NCS1: variants seen among roughly 807,000 people sequenced by gnomAD.
NCS1 encodes frequenin homolog.
A neutral mutation model predicts 28.4 loss-of-function variants in NCS1; 6 were observed. The observed-to-expected ratio is 0.21, with a 90% CI of 0.12 to 0.42. The LOEUF is 0.42. NCS1 is among the 10% of genes least tolerant of loss of function. The pLI is 1.00. For synonymous variants in NCS1, 86 were observed against 99.3 expected, an observed-to-expected ratio of 0.87 and a Z score of 0.79; for missense variants, 131 against 241.4, an observed-to-expected ratio of 0.54 and a Z score of 3.03.
At chr9:130,220,574 G>T (rs1833265200) in intron 4 of NCS1, among the ~76,000 whole-genome samples, 1 of 152,024 alleles carries the variant, frequency 6.6e-6, no homozygotes, top group African/African-American at 2.4e-5. Flanking sequence ...GGGAGGCTGA[G>T]AGGGAGTTGG....
intron 2 of NCS1, among the ~76,000 whole-genome samples, chr9:130,216,679 G>A (rs1412098305): frequency 6.7e-6 from 1 of 149,700 alleles, no homozygotes; most frequent in Non-Finnish European, 1.5e-5. Context: ...TCCTGCCACT[G>A]CACTCCAGCC....
At chr9:130,197,989 C>G (rs868978163) in intron 1 of NCS1, among the ~76,000 whole-genome samples, 1 of 148,978 alleles carries the variant, frequency 6.7e-6, no homozygotes, top group Non-Finnish European at 1.5e-5. Context: ...AAAAAAGGCC[C>G]TCCAAGGCCC....
intron 2 of NCS1, among the ~76,000 whole-genome samples, chr9:130,212,081 C>A (rs965551855): frequency 6.6e-6 from 1 of 152,174 alleles, no homozygotes; most frequent in Non-Finnish European, 1.5e-5. Context: ...GGGGCCTTCA[C>A]CTCCAGAAAC....
At chr9:130,201,246 G>A (rs1202920557) in intron 2 of NCS1, among the ~76,000 whole-genome samples, 2 of 152,322 alleles carry the variant, frequency 1.3e-5, no homozygotes, top group East Asian at 3.9e-4. Flanking sequence ...ACCAAGGCCT[G>A]AAGGGTTGAT....
At chr9:130,172,821 G>A (rs1832503422) in intron 1 of NCS1, 94 bp downstream of exon 1, 4 of 431,754 alleles carry the variant, frequency 9.3e-6, no homozygotes, top group African/African-American at 3.4e-5. Context: ...TACCCGCTCC[G>A]CGCTGCCGCC....
intron 2 of NCS1, among the ~76,000 whole-genome samples, chr9:130,205,036 C>T (rs1332244877): frequency 6.6e-6 from 1 of 151,718 alleles, no homozygotes; most frequent in African/African-American, 2.4e-5. Flanking sequence ...AAAGCGGGGT[C>T]ACTGTGGGCT....
intron 2 of NCS1, among the ~76,000 whole-genome samples, chr9:130,217,559 CTG>C (rs1178370164): frequency 2.0e-5 from 3 of 152,224 alleles, no homozygotes; most frequent in East Asian, 1.9e-4. Context: ...AGTGCTCACT[CTG>C]TGTGCAGTAT....
chr9:130,176,820 T>A (rs957341234), intron 1 of NCS1, among the ~76,000 whole-genome samples: 1 of 152,248 alleles, frequency 6.6e-6, no homozygotes, highest in Non-Finnish European at 1.5e-5. Context: ...GCAGCCGGGT[T>A]ATCCGAAAAC....
rs1460290825 is a variant in NCS1, at chr9:130,200,965, G to A, written c.72G>A (p.Glu24=). 13 of 1,614,148 alleles carry A rather than the reference G, an allele frequency of 8.1e-6. No homozygotes were observed. The highest frequency in any genetic ancestry group is 1.0e-5 in the Non-Finnish European group (12 of 1,180,062). ...TTCTGCTTTCTCTTGCAGTTACCGAGAAGGAGGTCCAGCAGTGGTGAGTAG... is the reference window on the plus strand; with the variant it reads ...TTCTGCTTTCTCTTGCAGTTACCGAAAAGGAGGTCCAGCAGTGGTGAGTAG... ...EELTRKTYFT[E]KEVQQWYKGF... The change falls in exon 2 of 8, where the codon GAG becomes GAA. Residue 24 remains glutamate, a synonymous_variant. Transcript: ENST00000372398.
chr9:130,192,965 G>T lies in NCS1; in HGVS notation c.65-7993G>T, dbSNP rs1279043001. ...ATGGGGAAACCGAAACCCAAACTGGGGAAAAAACCGGTCACACAGCAACGG... is the reference window on the plus strand; with the variant it reads ...ATGGGGAAACCGAAACCCAAACTGGTGAAAAAACCGGTCACACAGCAACGG... On this transcript the variant is annotated intron_variant, in intron 1 of 7. Transcript: ENST00000372398. This position sits in a 1 kb window ranked among gnomAD's most constrained non-coding sequence, Gnocchi z 4.8. 6.6e-6 allele frequency among the ~76,000 whole-genome samples: 1 copy of T among 152,204 alleles called. No individual in the cohort carries two copies. Among genetic ancestry groups the T allele is most frequent in the East Asian group, 1.9e-4 (1 of 5,188 alleles).
chr9:130,221,405 T>TAG (rs1191515274), intron 4 of NCS1, among the ~76,000 whole-genome samples: 16 of 41,792 alleles, frequency 3.8e-4, no homozygotes, highest in African/African-American at 1.1e-3. Flanking sequence ...TATATATATA[T>TAG]ATATATATAG....
rs782182477 is a variant in NCS1 at position 130,201,573 on chromosome 9, C to G, written c.89+591C>G. 3.9e-5 allele frequency among the ~76,000 whole-genome samples: 6 copies of G among 152,062 alleles called. 1 individual carries two copies. Among genetic ancestry groups the G allele is most frequent in the Non-Finnish European group, 8.8e-5 (6 of 67,996 alleles). On this transcript the variant is annotated intron_variant, in intron 2 of 7. Coordinates refer to ENST00000372398, the MANE Select transcript of NCS1 (RefSeq NM_014286.4). ...TGGGGGAGGAGGGCGGTGTATTGTC[C>G]GTCTTTGTGGAATGTGGAGCAGACA...
At chr9:130,222,883 C>A in intron 5 of NCS1, 145 bp downstream of exon 5, 1 of 956,308 alleles carries the variant, frequency 1.0e-6, no homozygotes, top group Admixed American at 2.0e-5. Flanking sequence ...TACATCTCTG[C>A]CTGGGCAGGC....
Position 130,191,113 on chromosome 9 carries a change from C to T in NCS1, c.65-9845C>T, listed in dbSNP as rs1293009785. Among the ~76,000 whole-genome samples the T allele has an allele frequency of 6.6e-6, 1 of 152,220 alleles. No individual in the cohort carries two copies. The highest frequency in any genetic ancestry group is 1.5e-5 in the Non-Finnish European group (1 of 68,038). ...GGGCTCAGTGCTTGTGATGTGTATC[C>T]TCTCGTTGGCCCCTGACAGCGGGGC... On this transcript the variant is annotated intron_variant, in intron 1 of 7. Transcript: ENST00000372398. The surrounding 1 kb of genome is among the most constrained non-coding windows in gnomAD (Gnocchi z 6.4).
rs1832734587 is a variant in NCS1 at position 130,186,059 on chromosome 9, CAGAGGGGAG to C, written c.64+13333_64+13341del. ...GGAAGGAGGCATGGCCAGCAGGGAGCAGAGGGGAGGCCCTGGGTCCTGTGGGGGGCATGT... is the reference window on the plus strand; with the variant it reads ...GGAAGGAGGCATGGCCAGCAGGGAGCGCCCTGGGTCCTGTGGGGGGCATGT... On this transcript the variant is annotated intron_variant, in intron 1 of 7. Coordinates refer to ENST00000372398, the MANE Select transcript of NCS1 (RefSeq NM_014286.4). This position sits in a 1 kb window ranked among gnomAD's most constrained non-coding sequence, Gnocchi z 4.1. Among the ~76,000 whole-genome samples the C allele has an allele frequency of 1.3e-5, 2 of 152,212 alleles. No individual in the cohort carries two copies. Among genetic ancestry groups the C allele is most frequent in the African/African-American group, 2.4e-5 (1 of 41,458 alleles).
At chr9:130,198,491 T>C (rs1243942535) in intron 1 of NCS1, among the ~76,000 whole-genome samples, 2 of 152,196 alleles carry the variant, frequency 1.3e-5, no homozygotes, top group Non-Finnish European at 2.9e-5. Flanking sequence ...CAAGGAGTTG[T>C]ATCCAATTGG....
intron 1 of NCS1, among the ~76,000 whole-genome samples, chr9:130,185,788 C>T (rs1281739569): frequency 1.3e-5 from 2 of 152,286 alleles, no homozygotes; most frequent in East Asian, 1.9e-4. Flanking sequence ...TCTTGCCCCT[C>T]GGCCAGTGGC....
At chr9:130,220,864 TG>T (rs1291731457) in intron 4 of NCS1, among the ~76,000 whole-genome samples, 1 of 150,988 alleles carries the variant, frequency 6.6e-6, no homozygotes, top group African/African-American at 2.4e-5. Flanking sequence ...ACCATAATTG[TG>T]GGAGCAGAGT....
chr9:130,216,866 C>T (rs1180876738), intron 2 of NCS1, among the ~76,000 whole-genome samples: 1 of 151,634 alleles, frequency 6.6e-6, no homozygotes, highest in Admixed American at 6.6e-5. Context: ...CTCTGGCTTC[C>T]CGATGTGGAA....
Sources: gnomAD v4.1 joint callset for allele counts (sites outside exome capture counted in the v4.1 genomes callset) on GRCh38, gnomAD v4.1.1 for gene constraint, Gnocchi (gnomAD v3.1) non-coding constraint, MANE v1.5 for transcripts, NCBI Gene and HGNC (gene_info 2026-07-23, HGNC 2026-07-21) for gene names.